The following BCAS3 variants were observed in gnomAD, a reference collection of about 807,000 sequenced individuals.
The protein encoded by BCAS3 is BCAS3 microtubule associated cell migration factor.
A neutral mutation model predicts 116.1 loss-of-function variants in BCAS3; 53 were observed. The observed-to-expected ratio is 0.46, with a 90% CI of 0.37 to 0.57. The LOEUF (loss-of-function observed/expected upper bound fraction) is 0.57, where lower values mean the gene tolerates loss of function less well. BCAS3 is among the 20% of genes least tolerant of loss of function. The pLI is 0.00. For missense variants in BCAS3, 917 were observed against 1,165.4 expected (o/e 0.79, Z 3.10); for synonymous variants, 391 against 408.2 (o/e 0.96, Z 0.51).
intron 14 of BCAS3, among the ~76,000 whole-genome samples, chr17:60,954,552 A>G (rs1001225586): frequency 6.6e-6 from 1 of 152,168 alleles, no homozygotes; most frequent in Non-Finnish European, 1.5e-5. Context: ...AGCTATCACC[A>G]TTTAACATTT....
Position 61,077,567 on chromosome 17 carries a change from T to C in BCAS3, c.2131-766T>C, listed in dbSNP as rs1248409811. 6.6e-6 allele frequency among the ~76,000 whole-genome samples: 1 copy of C among 152,110 alleles called. No homozygotes were observed. Among genetic ancestry groups the C allele is most frequent in the Admixed American group, 6.5e-5 (1 of 15,272 alleles). ...AAAATAAAATATTGGCAACATTCCC[T>C]ATCCCCCCCATTGAGCGTGAAATTC... On this transcript the variant is annotated intron_variant, in intron 20 of 23. Transcript: ENST00000407086. This position sits in a 1 kb window ranked among gnomAD's most constrained non-coding sequence, Gnocchi z 4.3.
intron 13 of BCAS3, among the ~76,000 whole-genome samples, chr17:60,946,127 T>C (rs774524668): frequency 2.6e-5 from 4 of 152,048 alleles, no homozygotes; most frequent in African/African-American, 7.2e-5. Flanking sequence ...CAAAAAGATA[T>C]AGGCCTACAC....
intron 5 of BCAS3, among the ~76,000 whole-genome samples, chr17:60,713,912 C>T (rs1011149024): frequency 6.6e-6 from 1 of 152,188 alleles, no homozygotes; most frequent in Non-Finnish European, 1.5e-5. Flanking sequence ...CGGCTCACTG[C>T]AACCTCTGCC....
intron 22 of BCAS3, among the ~76,000 whole-genome samples, chr17:61,167,978 T>A (rs1261274471): frequency 6.6e-6 from 1 of 152,232 alleles, no homozygotes; most frequent in African/African-American, 2.4e-5. Flanking sequence ...GCTGTAACTA[T>A]AGGTTTACTT....
At chr17:60,685,775 C>A (rs992018980) in intron 3 of BCAS3, among the ~76,000 whole-genome samples, 1 of 152,128 alleles carries the variant, frequency 6.6e-6, no homozygotes. Flanking sequence ...AGATACATTA[C>A]AATTTCTAAT....
At chr17:60,680,717 C>G (rs1407707721) in intron 2 of BCAS3, among the ~76,000 whole-genome samples, 1 of 151,874 alleles carries the variant, frequency 6.6e-6, no homozygotes, top group East Asian at 1.9e-4. Flanking sequence ...CTCGCTGCAG[C>G]CTCCACCTCC....
chr17:60,710,524 C>T (rs868203304), intron 5 of BCAS3, among the ~76,000 whole-genome samples: 7 of 151,480 alleles, frequency 4.6e-5, no homozygotes, highest in South Asian at 4.2e-4. Context: ...CTCTGCCTCC[C>T]GGGTTAACGC....
intron 7 of BCAS3, among the ~76,000 whole-genome samples, chr17:60,828,034 C>T (rs929458050): frequency 2.6e-5 from 4 of 151,952 alleles, no homozygotes; most frequent in Admixed American, 2.6e-4. Context: ...AGTTTTTTTT[C>T]AGCCACCAAG....
chr17:61,088,679 A>G lies in BCAS3; in HGVS notation c.2425+4115A>G, dbSNP rs1474206610. ...TTCCTTGCTTCTGAGTCATCAAATC[A>G]AAGAGCCTAGAAAGATCTGGTTCAC... On this transcript the variant is annotated intron_variant, in intron 22 of 23. Coordinates refer to ENST00000407086, the MANE Select transcript of BCAS3 (RefSeq NM_017679.5). The surrounding 1 kb of genome is among the most constrained non-coding windows in gnomAD (Gnocchi z 4.2). Among the ~76,000 whole-genome samples, 2 of 152,358 alleles carry G rather than the reference A, an allele frequency of 1.3e-5. No homozygotes were observed. Among genetic ancestry groups the G allele is most frequent in the South Asian group, 2.1e-4 (1 of 4,830 alleles).
chr17:60,924,355 G>A (rs1040751704), intron 12 of BCAS3, 52 bp from the exon 13 acceptor site: 13 of 1,510,286 alleles, frequency 8.6e-6, no homozygotes, highest in East Asian at 4.5e-5. Flanking sequence ...CTTCAAGCTC[G>A]GTTATCAGTG....
Position 60,956,780 on chromosome 17 carries a change from G to A in BCAS3, c.1221+9428G>A, listed in dbSNP as rs1040282607. 6.6e-6 allele frequency among the ~76,000 whole-genome samples: 1 copy of A among 152,080 alleles called. No individual in the cohort carries two copies. The highest frequency in any genetic ancestry group is 1.5e-5 in the Non-Finnish European group (1 of 68,002). On this transcript the variant is annotated intron_variant, in intron 14 of 23. Transcript: ENST00000407086. This position sits in a 1 kb window ranked among gnomAD's most constrained non-coding sequence, Gnocchi z 4.2. Reference sequence around the variant, plus strand: ...CTAAACCCCAAATACCAGGACCTCAGTGACCACAAAATTAATTTTATAAGG... The same window carrying A: ...CTAAACCCCAAATACCAGGACCTCAATGACCACAAAATTAATTTTATAAGG...
chr17:61,306,640 G>T (rs950178486), intron 22 of BCAS3, among the ~76,000 whole-genome samples: 1 of 151,998 alleles, frequency 6.6e-6, no homozygotes, highest in Non-Finnish European at 1.5e-5. Flanking sequence ...GCTGGGCATG[G>T]TGGTACATGC....
intron 7 of BCAS3, among the ~76,000 whole-genome samples, chr17:60,847,071 A>G (rs1472462653): frequency 1.3e-5 from 2 of 152,098 alleles, no homozygotes; most frequent in Non-Finnish European, 2.9e-5. Flanking sequence ...GATTCACACA[A>G]TATGTGACCT....
chr17:60,966,616 A>G (rs917147704), intron 14 of BCAS3, among the ~76,000 whole-genome samples: 1 of 152,086 alleles, frequency 6.6e-6, no homozygotes, highest in Admixed American at 6.6e-5. Flanking sequence ...AAAGGCAGGC[A>G]TAAAGAACAT....
Position 61,086,950 on chromosome 17 carries a change from C to T in BCAS3, c.2425+2386C>T, listed in dbSNP as rs183063875. ...TGTCCATCTACTTTAATAGGACCAA[C>T]TGTTGTCAACAGAATTACTTTCTAC... is the stretch of plus-strand genomic sequence containing the variant. On this transcript the variant is annotated intron_variant, in intron 22 of 23. Coordinates refer to ENST00000407086, the MANE Select transcript of BCAS3 (RefSeq NM_017679.5). 15 of 985,410 alleles carry T rather than the reference C, an allele frequency of 1.5e-5. No homozygotes were observed. In the East Asian group the frequency reaches 6.8e-4, roughly 45 times the overall value. 61.0% of individuals were successfully genotyped at this position (985,410 alleles called of 1,614,324 possible). A position where few individuals can be genotyped will look rare whatever the true frequency, so the allele number is the denominator to read the frequency against.
At chr17:61,299,172 A>G (rs1355737817) in intron 22 of BCAS3, among the ~76,000 whole-genome samples, 4 of 151,238 alleles carry the variant, frequency 2.6e-5, no homozygotes, top group Non-Finnish European at 5.9e-5. Flanking sequence ...GGCCGGGCAC[A>G]GTGGCTCACA....
chr17:60,998,018 C>A (rs2063958055), intron 15 of BCAS3, among the ~76,000 whole-genome samples: 1 of 152,072 alleles, frequency 6.6e-6, no homozygotes, highest in African/African-American at 2.4e-5. Context: ...CTTTTGAATC[C>A]CTAATGTCTA....
At chr17:61,291,866 G>T (rs1282941468) in intron 22 of BCAS3, among the ~76,000 whole-genome samples, 1 of 152,166 alleles carries the variant, frequency 6.6e-6, no homozygotes, top group African/African-American at 2.4e-5. Flanking sequence ...CTGTGAGTCA[G>T]TCCAGAGCAG....
chr17:60,760,893 C>G, intron 6 of BCAS3, among the ~76,000 whole-genome samples: 1 of 152,044 alleles, frequency 6.6e-6, no homozygotes, highest in South Asian at 2.1e-4. Context: ...AAAGGCTTTG[C>G]TCATTCTTTT....
Sources: gnomAD v4.1 joint callset for allele counts (sites outside exome capture counted in the v4.1 genomes callset) on GRCh38, gnomAD v4.1.1 for gene constraint, Gnocchi (gnomAD v3.1) non-coding constraint, MANE v1.5 for transcripts, NCBI Gene and HGNC (gene_info 2026-07-23, HGNC 2026-07-21) for gene names.